Variants in DENND4C observed in about 807,000 individuals in gnomAD.
DENND4C encodes the protein DENN domain containing 4C.
Under a neutral mutation model 203.0 loss-of-function variants are expected in DENND4C, and 108 were observed. The ratio of observed to expected loss-of-function variants is 0.53; its 90% CI spans 0.46 to 0.62. The LOEUF is 0.62. DENND4C is among the 20% of genes least tolerant of loss of function. The probability of loss-of-function intolerance (pLI) is 0.00; values close to 1 mark genes in which losing one functional copy is unlikely to be tolerated. For missense variants in DENND4C, 2,481 were observed against 2,301.2 expected (o/e 1.08, Z -1.60); for synonymous variants, 871 against 792.4 (o/e 1.10, Z -1.67).
Position 19,315,149 on chromosome 9 carries a change from C to G in DENND4C, c.1488-1268C>G, listed in dbSNP as rs541498089. On this transcript the variant is annotated intron_variant, in intron 10 of 32. Coordinates refer to ENST00000434457, the MANE Select transcript of DENND4C (RefSeq NM_001330640.2). Reference sequence around the variant, plus strand: ...CACTCCAGCCTGGACGACAGAGACTCCGTCTCAAAAAAAAAAAAAAAAAGA... The same window carrying G: ...CACTCCAGCCTGGACGACAGAGACTGCGTCTCAAAAAAAAAAAAAAAAAGA... Among the ~76,000 whole-genome samples the G allele has an allele frequency of 3.6e-5, 4 of 111,728 alleles. No individual in the cohort carries two copies. The South Asian group carries it at 1.3e-3, about 36-fold the overall frequency. 73.3% of individuals were successfully genotyped at this position (111,728 alleles called of 152,430 possible). A position where few individuals can be genotyped will look rare whatever the true frequency, so the allele number is the denominator to read the frequency against.
intron 1 of DENND4C, among the ~76,000 whole-genome samples, chr9:19,248,868 G>A (rs1230824300): frequency 2.0e-5 from 3 of 151,578 alleles, no homozygotes; most frequent in African/African-American, 4.9e-5. Flanking sequence ...CACGATCTCA[G>A]CTCACTGCAG....
In DENND4C at chr9:19,350,751, T is replaced by A. The variant is rs1823931178; in HGVS notation, c.4367T>A (p.Ile1456Asn). 1 of 1,613,772 alleles carries A rather than the reference T, an allele frequency of 6.2e-7. No homozygotes were observed. The highest frequency in any genetic ancestry group is 1.7e-5 in the Admixed American group (1 of 59,962). ...TTCCCAGCTGGCCTAGAAGACCATA[T>A]TTTGGGGGAGAATATATCGCCTAAC... ...YSFPAGLEDHILGENISPNTS... is the reference protein window; with the variant it reads ...YSFPAGLEDHNLGENISPNTS... The change falls in exon 24 of 33, where the codon ATT (isoleucine) becomes AAT (asparagine). Residue 1456 changes from isoleucine (I) to asparagine (N), a missense_variant. Around this residue, in one of 3 missense-constraint regions of DENND4C, gnomAD observed 2,289 missense variants for 2,113.3 expected, o/e 1.08. Coordinates refer to ENST00000434457, the MANE Select transcript of DENND4C (RefSeq NM_001330640.2).
intron 16 of DENND4C, among the ~76,000 whole-genome samples, chr9:19,328,812 G>T (rs1478667758): frequency 6.6e-6 from 1 of 152,000 alleles, no homozygotes; most frequent in Non-Finnish European, 1.5e-5. Context: ...ACTTTGGGAG[G>T]CCGAGGCAGG....
At position 19,296,043 on chromosome 9, in the gene DENND4C, C is replaced by T. The variant is rs1837397851; in HGVS notation, c.837C>T (p.Tyr279=). 6.2e-7 allele frequency: 1 copy of T among 1,613,936 alleles called. No individual in the cohort carries two copies. The highest frequency in any genetic ancestry group is 1.1e-5 in the South Asian group (1 of 91,084). ...YGAAIQFYEP[Y]SRELLSEKQL... ...CTGCCATTCAGTTTTATGAACCTTA[C>T]TCTCGGGAACTTCTATCAGAGAAAC... is the stretch of plus-strand genomic sequence containing the variant. The change falls in exon 6 of 33, where the codon TAC becomes TAT. Residue 279 remains tyrosine, a synonymous_variant. Transcript: ENST00000434457.
At position 19,372,048 on chromosome 9, in the gene DENND4C, A is replaced by C; in HGVS notation, c.5752A>C (p.Asn1918His). 1 of 1,602,046 alleles carries C rather than the reference A, an allele frequency of 6.2e-7. No individual in the cohort carries two copies. ...RENIDIEAFDNEYGIAYNSLS... is the reference protein window; with the variant it reads ...RENIDIEAFDHEYGIAYNSLS... ...AAAATTTCTTTCAGAGGCATTTGAC[A>C]ATGAATATGGAATTGCATACAATAG... The change falls in exon 33 of 33, where the codon AAT becomes CAT. Residue 1918 changes from asparagine (N) to histidine (H), a missense_variant. Physicochemically the swap from Asn to His is moderately conservative, Grantham distance 68. Transcript: ENST00000434457.
chr9:19,301,801 G>T (rs1588876672), intron 9 of DENND4C, among the ~76,000 whole-genome samples: 1 of 152,122 alleles, frequency 6.6e-6, no homozygotes, highest in Admixed American at 6.5e-5. Flanking sequence ...GCTGGGCGTG[G>T]TGGTGCACGC....
chr9:19,330,769 G>T (rs559146208), intron 16 of DENND4C, among the ~76,000 whole-genome samples: 13 of 152,058 alleles, frequency 8.5e-5, no homozygotes, highest in East Asian at 1.9e-4. Context: ...TCAGCAGATG[G>T]CTGGGCACGG....
At chr9:19,326,777 C>G (rs1477149273) in intron 15 of DENND4C, among the ~76,000 whole-genome samples, 2 of 151,982 alleles carry the variant, frequency 1.3e-5, no homozygotes, top group African/African-American at 2.4e-5. Flanking sequence ...GTATGTATTG[C>G]ATGTATGAGT....
chr9:19,321,283 T>C (rs1842831226), intron 12 of DENND4C, among the ~76,000 whole-genome samples: 1 of 152,146 alleles, frequency 6.6e-6, no homozygotes, highest in African/African-American at 2.4e-5. Flanking sequence ...TTGATGATAG[T>C]GTGAATAGAA....
intron 12 of DENND4C, among the ~76,000 whole-genome samples, chr9:19,319,339 CAT>C (rs201515895): frequency 0.13 from 6,613 of 50,382 alleles, 594 homozygotes; most frequent in African/African-American, 0.3. Context: ...TATATATACA[CAT>C]ATATATATAC....
At chr9:19,326,244 T>G (rs1299125125) in intron 15 of DENND4C, 50 bp downstream of exon 15, 2 of 1,546,744 alleles carry the variant, frequency 1.3e-6, no homozygotes, top group African/African-American at 2.8e-5. Context: ...TCAGTTTCTT[T>G]TAATTTTTAT....
intron 1 of DENND4C, among the ~76,000 whole-genome samples, chr9:19,234,272 C>G (rs1034132662): frequency 4.6e-5 from 7 of 151,824 alleles, no homozygotes; most frequent in Non-Finnish European, 8.8e-5. Flanking sequence ...GCTCTGTTGC[C>G]CAAGCTGGAG....
chr9:19,314,903 T>G (rs1231954472), intron 10 of DENND4C, among the ~76,000 whole-genome samples: 1 of 152,070 alleles, frequency 6.6e-6, no homozygotes, highest in Non-Finnish European at 1.5e-5. Context: ...GGCTCATGCC[T>G]GTAATCCCAG....
At chr9:19,245,882 T>G (rs1825117719) in intron 1 of DENND4C, among the ~76,000 whole-genome samples, 1 of 151,702 alleles carries the variant, frequency 6.6e-6, no homozygotes. Context: ...ATTGTAAGCA[T>G]CTAACTCTGA....
chr9:19,248,279 G>A (rs1246118698), intron 1 of DENND4C, among the ~76,000 whole-genome samples: 1 of 152,150 alleles, frequency 6.6e-6, no homozygotes, highest in Non-Finnish European at 1.5e-5. Context: ...GTTACTTACT[G>A]CTTTAAGGCT....
chr9:19,306,019 G>A (rs576142289), intron 10 of DENND4C, among the ~76,000 whole-genome samples: 23 of 152,328 alleles, frequency 1.5e-4, no homozygotes, highest in African/African-American at 5.3e-4. Flanking sequence ...ATCAGTGATA[G>A]TTTGTGTTTG....
chr9:19,365,275 T>C (rs1252461536), intron 30 of DENND4C, among the ~76,000 whole-genome samples: 1 of 152,204 alleles, frequency 6.6e-6, no homozygotes, highest in East Asian at 1.9e-4. Context: ...TGTAATATAC[T>C]ATCAATAGAG....
intron 31 of DENND4C, among the ~76,000 whole-genome samples, chr9:19,370,909 G>A (rs1231112486): frequency 6.6e-6 from 1 of 152,190 alleles, no homozygotes; most frequent in Non-Finnish European, 1.5e-5. Flanking sequence ...TCTCAGAAGT[G>A]ACAGGGCAAG....
rs141934696 is a variant in DENND4C at position 19,289,626 on chromosome 9, T to G, written c.628+961T>G. On this transcript the variant is annotated intron_variant, in intron 4 of 32. Transcript: ENST00000434457. Reference sequence around the variant, plus strand: ...GGCAGATCGCTTGAGGCCAGGAGTTTGAGACCAGCCTGGCCAACATGGTGA... The same window carrying G: ...GGCAGATCGCTTGAGGCCAGGAGTTGGAGACCAGCCTGGCCAACATGGTGA... Among the ~76,000 whole-genome samples the G allele has an allele frequency of 7.3e-3, 1,103 of 152,108 alleles. 16 individuals carry two copies. The highest frequency in any genetic ancestry group is 0.026 in the African/African-American group (1,066 of 41,498).
Sources: allele counts gnomAD v4.1 joint callset (sites outside exome capture counted in the v4.1 genomes callset), GRCh38; gene constraint gnomAD v4.1.1; regional missense constraint gnomAD v4.1.1; transcripts MANE v1.5; gene names NCBI Gene and HGNC (gene_info 2026-07-23, HGNC 2026-07-21).